The following PTPRD variants were observed in gnomAD, a reference collection of about 807,000 sequenced individuals.
PTPRD encodes receptor-type tyrosine-protein phosphatase delta.
A neutral mutation model predicts 214.5 loss-of-function variants in PTPRD; 34 were observed. The observed-to-expected ratio is 0.16, with a 90% CI of 0.12 to 0.21. The LOEUF is 0.21. PTPRD is among the 10% of genes least tolerant of loss of function. The pLI is 1.00. For synonymous variants in PTPRD, 1,128 were observed against 845.7 expected, an observed-to-expected ratio of 1.33 and a Z score of -5.79; for missense variants, 2,545 against 2,398.7, an observed-to-expected ratio of 1.06 and a Z score of -1.27.
intron 35 of PTPRD, among the ~76,000 whole-genome samples, chr9:8,435,727 A>ACG (rs1554962129): frequency 2.4e-4 from 37 of 151,888 alleles, no homozygotes; most frequent in African/African-American, 7.5e-4. Flanking sequence ...ACACACACAC[A>ACG]CACGCACGCA....
intron 2 of PTPRD, among the ~76,000 whole-genome samples, chr9:10,393,700 T>A (rs576269997): frequency 2.0e-5 from 3 of 147,072 alleles, no homozygotes; most frequent in Admixed American, 6.9e-5. Flanking sequence ...ATATATATAA[T>A]ATATATAATA....
intron 14 of PTPRD, among the ~76,000 whole-genome samples, chr9:8,628,254 A>T (rs2096117148): frequency 6.6e-6 from 1 of 151,872 alleles, no homozygotes; most frequent in African/African-American, 2.4e-5. Flanking sequence ...TGTAATCAAC[A>T]TGCTAATTCT....
intron 10 of PTPRD, among the ~76,000 whole-genome samples, chr9:9,101,253 G>C (rs1269092843): frequency 6.6e-6 from 1 of 152,080 alleles, no homozygotes; most frequent in African/African-American, 2.4e-5. Context: ...AAAGATCTGA[G>C]CTTTAATAGA....
intron 3 of PTPRD, among the ~76,000 whole-genome samples, chr9:10,274,507 T>C (rs979036840): frequency 2.0e-5 from 3 of 152,142 alleles, no homozygotes; most frequent in African/African-American, 7.2e-5. Flanking sequence ...ATGATCTAAA[T>C]TGATATTTAA....
Position 8,649,961 on chromosome 9 carries a change from A to G in PTPRD, c.65-13117T>C, listed in dbSNP as rs1026518708. Among the ~76,000 whole-genome samples, 3 of 152,056 alleles carry G rather than the reference A, an allele frequency of 2.0e-5. No individual in the cohort carries two copies. The South Asian group carries it at 6.2e-4, about 32-fold the overall frequency. ...GAGACAGGGTTTTACTCTGTTGCCTAGGCTGGACTGCAGTTGCATAATCAT... is the reference window on the plus strand; with the variant it reads ...GAGACAGGGTTTTACTCTGTTGCCTGGGCTGGACTGCAGTTGCATAATCAT... On this transcript the variant is annotated intron_variant, in intron 12 of 45. Transcript: ENST00000381196.
intron 11 of PTPRD, among the ~76,000 whole-genome samples, chr9:8,819,856 T>C (rs894587508): frequency 1.3e-5 from 2 of 152,126 alleles, no homozygotes; most frequent in Non-Finnish European, 2.9e-5. Flanking sequence ...CAAAACGAGC[T>C]GAAAGATCAC....
chr9:9,079,857 A>G lies in PTPRD; in HGVS notation c.-142-61122T>C, dbSNP rs148570507. The stretch of plus-strand genomic sequence containing the variant: ...ATTAAGGAGAGCTAGGATTTCATCC[A>G]GTTCATGAGTTTACCAGATTAATAC... On this transcript the variant is annotated intron_variant, in intron 10 of 45. Coordinates refer to ENST00000381196, the MANE Select transcript of PTPRD (RefSeq NM_002839.4). Among the ~76,000 whole-genome samples, 688 of 152,204 alleles carry G rather than the reference A, an allele frequency of 4.5e-3. 1 individual carries two copies. Among genetic ancestry groups the G allele is most frequent in the Non-Finnish European group, 7.1e-3 (484 of 67,974 alleles).
intron 2 of PTPRD, among the ~76,000 whole-genome samples, chr9:10,405,780 G>A (rs986664255): frequency 6.6e-6 from 1 of 151,226 alleles, no homozygotes; most frequent in Non-Finnish European, 1.5e-5. Context: ...AAGATGGTTT[G>A]GTGAAGCCTA....
intron 3 of PTPRD, among the ~76,000 whole-genome samples, chr9:10,152,406 T>C (rs766187129): frequency 5.3e-5 from 8 of 152,202 alleles, no homozygotes; most frequent in Non-Finnish European, 7.3e-5. Flanking sequence ...TATATTTTGA[T>C]TACAAATCAT....
intron 6 of PTPRD, among the ~76,000 whole-genome samples, chr9:9,759,457 C>T (rs1033599275): frequency 6.6e-6 from 1 of 151,910 alleles, no homozygotes; most frequent in Non-Finnish European, 1.5e-5. Flanking sequence ...GTTTGGTTAG[C>T]ACCAGTACCT....
chr9:8,812,644 T>A (rs1023513305), intron 11 of PTPRD, among the ~76,000 whole-genome samples: 1 of 152,034 alleles, frequency 6.6e-6, no homozygotes, highest in East Asian at 1.9e-4. Flanking sequence ...CTTTAGTCCA[T>A]GTTGACCTTC....
chr9:10,474,654 A>C (rs1056343043), intron 2 of PTPRD, among the ~76,000 whole-genome samples: 1 of 152,048 alleles, frequency 6.6e-6, no homozygotes, highest in African/African-American at 2.4e-5. Context: ...TATGTATAGA[A>C]CTCTACACAC....
chr9:9,768,556 C>A (rs912358028), intron 5 of PTPRD, among the ~76,000 whole-genome samples: 16 of 152,004 alleles, frequency 1.1e-4, no homozygotes, highest in African/African-American at 3.6e-4. Flanking sequence ...TCAGAGAAAT[C>A]AAAGTAAAAA....
intron 10 of PTPRD, among the ~76,000 whole-genome samples, chr9:9,035,433 A>G (rs2099618397): frequency 1.3e-5 from 2 of 152,018 alleles, no homozygotes; most frequent in South Asian, 2.1e-4. Flanking sequence ...TTTGAAATGT[A>G]AATATCAAAG....
chr9:8,664,153 A>G (rs2097125363), intron 12 of PTPRD, among the ~76,000 whole-genome samples: 1 of 152,350 alleles, frequency 6.6e-6, no homozygotes, highest in African/African-American at 2.4e-5. Context: ...AACTTTCACT[A>G]GAAACTTGAA....
In PTPRD at chr9:9,795,071, G is replaced by A. The variant is rs185042622; in HGVS notation, c.-367-28220C>T. 7.8e-4 allele frequency among the ~76,000 whole-genome samples: 119 copies of A among 152,324 alleles called. 1 individual carries two copies. The highest frequency in any genetic ancestry group is 6.0e-3 in the South Asian group (29 of 4,826). On this transcript the variant is annotated intron_variant, in intron 5 of 45. Coordinates refer to ENST00000381196, the MANE Select transcript of PTPRD (RefSeq NM_002839.4). ...TCCCAAGCCCCTGGGAGGAGCCCTT[G>A]CGTGGGCTTCACATGATCATATATG...
At position 9,913,547 on chromosome 9, in the gene PTPRD, C is replaced by T. The variant is rs531939979; in HGVS notation, c.-368+24960G>A. Among the ~76,000 whole-genome samples, 40 of 152,148 alleles carry T rather than the reference C, an allele frequency of 2.6e-4. No homozygotes were observed. In the East Asian group the frequency reaches 6.8e-3, roughly 26 times the overall value. On this transcript the variant is annotated intron_variant, in intron 5 of 45. Transcript: ENST00000381196. ...AAGGGAAAGGGGAGTGGAGATGCAC[C>T]AGTAGTGACTGGAAATTCAGGAGGG...
intron 7 of PTPRD, among the ~76,000 whole-genome samples, chr9:9,623,187 G>T (rs1441865613): frequency 1.3e-5 from 2 of 152,114 alleles, no homozygotes; most frequent in African/African-American, 2.4e-5. Flanking sequence ...ATTGAGACAA[G>T]ATATTGTTTT....
intron 10 of PTPRD, among the ~76,000 whole-genome samples, chr9:9,138,627 G>A (rs1269905026): frequency 6.6e-6 from 1 of 152,058 alleles, no homozygotes. Context: ...TGTTTGTGTG[G>A]GGAGGGAATA....
Sources: allele counts gnomAD v4.1 joint callset (sites outside exome capture counted in the v4.1 genomes callset), GRCh38; gene constraint gnomAD v4.1.1; transcripts MANE v1.5; gene names NCBI Gene and HGNC (gene_info 2026-07-23, HGNC 2026-07-21).